The following ATP5MG variants were observed in gnomAD, a reference collection of about 807,000 sequenced individuals.
The protein encoded by ATP5MG is ATP synthase F(0) complex subunit g, mitochondrial.
A neutral mutation model predicts 12.7 loss-of-function variants in ATP5MG; 7 were observed. The observed-to-expected ratio is 0.55, with a 90% confidence interval of 0.31 to 1.04. The LOEUF (loss-of-function observed/expected upper bound fraction) is 1.04, where lower values mean the gene tolerates loss of function less well. Ranked by LOEUF, ATP5MG falls within the 50% of genes least tolerant of loss-of-function variation. The pLI is 0.05. For missense variants in ATP5MG, 116 were observed against 126.7 expected (o/e 0.92, Z 0.41); for synonymous variants, 53 against 48.2 (o/e 1.10, Z -0.41).
At chr11:118,403,495 C>CA (rs1202269527) in intron 1 of ATP5MG, among the ~76,000 whole-genome samples, 3,766 of 112,546 alleles carry the variant, frequency 0.033, 113 homozygotes, top group African/African-American at 0.1. Flanking sequence ...GGCTAGGTCT[C>CA]AAAAAAAAAA....
chr11:118,405,940 G>C (rs1181751330), intron 1 of ATP5MG, among the ~76,000 whole-genome samples: 1 of 152,162 alleles, frequency 6.6e-6, no homozygotes, highest in Admixed American at 6.6e-5. Flanking sequence ...TTGGCTCACT[G>C]CAACCTCTGG....
At chr11:118,401,997 G>T (rs986337998) in intron 1 of ATP5MG, 4 of 433,486 alleles carry the variant, frequency 9.2e-6, no homozygotes, top group Non-Finnish European at 1.7e-5. Flanking sequence ...TTGCCCGGCA[G>T]CTGCAACCAT....
At chr11:118,405,392 C>G (rs1948963771) in intron 1 of ATP5MG, among the ~76,000 whole-genome samples, 2 of 152,116 alleles carry the variant, frequency 1.3e-5, no homozygotes, top group Admixed American at 6.6e-5. Context: ...TCTTGTTTAC[C>G]TGTAACATCA....
In ATP5MG at chr11:118,401,679, T is replaced by G; in HGVS notation, c.14T>G (p.Val5Gly). The G allele has an allele frequency of 6.2e-7, 1 of 1,614,050 alleles. No individual in the cohort carries two copies. The highest frequency in any genetic ancestry group is 8.5e-7 in the Non-Finnish European group (1 of 1,179,972). The change falls in exon 1 of 3, where the codon GTC (valine) becomes GGC (glycine). Residue 5 changes from valine (V) to glycine (G), a missense_variant. By Grantham distance (109) the Val-to-Gly change is moderately radical (BLOSUM62 -3). Coordinates refer to ENST00000300688, the MANE Select transcript of ATP5MG (RefSeq NM_006476.5). MAQF[V>G]RNLVEKTPAL... ...CATTCCAGAACCATGGCCCAATTTG[T>G]CCGTAACCTTGTGGAGAAGACCCCG...
intron 1 of ATP5MG, among the ~76,000 whole-genome samples, chr11:118,405,228 A>T (rs964267817): frequency 6.6e-6 from 1 of 152,142 alleles, no homozygotes; most frequent in Admixed American, 6.5e-5. Flanking sequence ...ATCAGTATAG[A>T]TGTGTGTATG....
chr11:118,406,964 T>C lies in ATP5MG; in HGVS notation c.80T>C (p.Leu27Ser), dbSNP rs782003268. The change falls in exon 2 of 3, where the codon TTG (leucine) becomes TCG (serine). Residue 27 changes from leucine (L) to serine (S), a missense_variant. Coordinates refer to ENST00000300688, the MANE Select transcript of ATP5MG (RefSeq NM_006476.5). ...GCTGTGACTTACTCGAAGCCTCGAT[T>C]GGCCACATTTTGGTACTACGCCAAG... ...NAAVTYSKPR[L>S]ATFWYYAKVE... is the part of the protein sequence containing the mutation. 27 of 1,612,884 alleles carry C rather than the reference T, an allele frequency of 1.7e-5. No homozygotes were observed. Among genetic ancestry groups the C allele is most frequent in the Non-Finnish European group, 2.2e-5 (26 of 1,179,446 alleles).
chr11:118,404,759 A>G lies in ATP5MG; in HGVS notation c.53-2178A>G, dbSNP rs571230108. On this transcript the variant is annotated intron_variant, in intron 1 of 2. Coordinates refer to ENST00000300688, the MANE Select transcript of ATP5MG (RefSeq NM_006476.5). The stretch of plus-strand genomic sequence containing the variant: ...TCTATAGAAGCAAATAACTAAGCCT[A>G]TCCCATAAAGGCAAGGTGTGATTAC... Among the ~76,000 whole-genome samples the G allele has an allele frequency of 1.8e-4, 28 of 152,340 alleles. 2 individuals carry two copies. Among genetic ancestry groups the G allele is most frequent in the Admixed American group, 1.5e-3 (23 of 15,310 alleles).
At chr11:118,407,409 G>A in intron 2 of ATP5MG, 1 of 241,148 alleles carries the variant, frequency 4.1e-6, no homozygotes, top group South Asian at 5.7e-5. Context: ...TTGCTTTGCT[G>A]AGTCTGTACT....
chr11:118,406,524 C>T (rs1365846982), intron 1 of ATP5MG: 1 of 197,724 alleles, frequency 5.1e-6, no homozygotes, highest in African/African-American at 2.3e-5. Flanking sequence ...AATCCTTCAT[C>T]CCTTTCTTCA....
At chr11:118,407,175 A>AAT in intron 2 of ATP5MG, 78 bp downstream of exon 2, 1 of 1,571,684 alleles carries the variant, frequency 6.4e-7, no homozygotes, top group Non-Finnish European at 8.6e-7. Context: ...TGTTTTGATT[A>AAT]ATATATATGT....
chr11:118,407,375 G>A (rs1228986155), intron 2 of ATP5MG: 1 of 351,816 alleles, frequency 2.8e-6, no homozygotes, highest in Admixed American at 4.3e-5. Flanking sequence ...TCCTATATTA[G>A]ATAGTATACT....
At chr11:118,402,486 C>T (rs1424520731) in intron 1 of ATP5MG, among the ~76,000 whole-genome samples, 3 of 152,168 alleles carry the variant, frequency 2.0e-5, no homozygotes, top group East Asian at 1.9e-4. Flanking sequence ...GCAAGCTATT[C>T]ATTTTATTCC....
At chr11:118,402,696 C>CTTTTTT (rs782335353) in intron 1 of ATP5MG, among the ~76,000 whole-genome samples, 17 of 128,174 alleles carry the variant, frequency 1.3e-4, no homozygotes, top group East Asian at 6.8e-4. Context: ...TTCTTTCTTT[C>CTTTTTT]TTTTTTTTTT....
In ATP5MG at chr11:118,409,646, A is replaced by G. The variant is rs1949000665; in HGVS notation, c.*548A>G. 6.6e-6 allele frequency: 1 copy of G among 152,198 alleles called. No homozygotes were observed. The highest frequency in any genetic ancestry group is 1.5e-5 in the Non-Finnish European group (1 of 68,038). 9.4% of individuals were successfully genotyped at this position (152,198 alleles called of 1,614,324 possible). A position where few individuals can be genotyped will look rare whatever the true frequency, so the allele number is the denominator to read the frequency against. ...GAGAGAACAGGGTGGTATTCTAAGT[A>G]TGTTTCTTTGTAACATCTTTAGCAG... is the stretch of plus-strand genomic sequence containing the variant. On this transcript the variant is annotated 3_prime_UTR_variant, in exon 3 of 3. Coordinates refer to ENST00000300688, the MANE Select transcript of ATP5MG (RefSeq NM_006476.5).
At chr11:118,407,128 C>T (rs782321752) in intron 2 of ATP5MG, 31 bp downstream of exon 2, 15 of 1,612,470 alleles carry the variant, frequency 9.3e-6, no homozygotes, top group Non-Finnish European at 1.3e-5. Context: ...AACGGATGTG[C>T]ATAACAGAAA....
At chr11:118,407,165 T>A in intron 2 of ATP5MG, 68 bp downstream of exon 2, 12 of 1,592,286 alleles carry the variant, frequency 7.5e-6, no homozygotes, top group Non-Finnish European at 1.0e-5. Context: ...TTTTTCTGAT[T>A]GTTTTGATTA....
At chr11:118,405,739 G>A (rs1444813431) in intron 1 of ATP5MG, 4 of 980,838 alleles carry the variant, frequency 4.1e-6, no homozygotes, top group East Asian at 2.3e-4. Context: ...CACAGAAGAT[G>A]AGGGAGATAG....
At chr11:118,402,295 G>A (rs1353279263) in intron 1 of ATP5MG, among the ~76,000 whole-genome samples, 1 of 152,118 alleles carries the variant, frequency 6.6e-6, no homozygotes, top group African/African-American at 2.4e-5. Flanking sequence ...CATGCCCCGA[G>A]AAGCATAGGA....
chr11:118,402,433 C>G (rs1297286129), intron 1 of ATP5MG, among the ~76,000 whole-genome samples: 5 of 152,068 alleles, frequency 3.3e-5, no homozygotes, highest in Non-Finnish European at 7.4e-5. Flanking sequence ...CCTCTGAGTA[C>G]TAGTTTATTT....
Sources: gnomAD v4.1 joint callset for allele counts (sites outside exome capture counted in the v4.1 genomes callset) on GRCh38, gnomAD v4.1.1 for gene constraint, MANE v1.5 for transcripts, NCBI Gene and HGNC (gene_info 2026-07-23, HGNC 2026-07-21) for gene names.